Variants in LTBP2 observed in about 807,000 individuals in gnomAD.
LTBP2 encodes the protein latent-transforming growth factor beta-binding protein 2.
LTBP2 carries 103 observed loss-of-function variants against 210.6 expected under a neutral mutation model. The observed-to-expected ratio is 0.49, with a 90% CI of 0.42 to 0.58. The LOEUF (loss-of-function observed/expected upper bound fraction) is 0.58, where lower values mean the gene tolerates loss of function less well. Among genes scored for constraint, LTBP2 ranks in the 20% least tolerant of loss-of-function variants. The pLI, the probability that LTBP2 is intolerant of heterozygous loss-of-function variation, is 0.00. For missense variants in LTBP2, 2,313 were observed against 2,494.5 expected (o/e 0.93, Z 1.55); for synonymous variants, 1,007 against 1,015.0 (o/e 0.99, Z 0.15).
In LTBP2 at chr14:74,506,888, C is replaced by CGT; in HGVS notation, c.3908-67_3908-66dup. ...GTGTGTGTGTGTGTGTGCGCGCGCGCGTGTGTGCTCACTCTCTCACACGCA... is the reference window on the plus strand; with the variant it reads ...GTGTGTGTGTGTGTGTGCGCGCGCGCGTGTGTGTGCTCACTCTCTCACACGCA... On this transcript the variant is annotated intron_variant, in intron 26 of 35. Transcript: ENST00000261978. 56 of 1,404,508 alleles carry CGT rather than the reference C, an allele frequency of 4.0e-5. No homozygotes were observed. The South Asian group carries it at 6.6e-4, about 16-fold the overall frequency. 87.0% of individuals were successfully genotyped at this position (1,404,508 alleles called of 1,614,324 possible). A position where few individuals can be genotyped will look rare whatever the true frequency, so the allele number is the denominator to read the frequency against.
At chr14:74,553,939 T>TGC (rs1016425131) in intron 4 of LTBP2, among the ~76,000 whole-genome samples, 1 of 150,826 alleles carries the variant, frequency 6.6e-6, no homozygotes, top group African/African-American at 2.4e-5. Flanking sequence ...TGTGTGTGTG[T>TGC]GTGTGTGTGT....
At position 74,500,746 on chromosome 14, in the gene LTBP2, A is replaced by C; in HGVS notation, c.*138T>G. The C allele has an allele frequency of 8.6e-7, 1 of 1,161,922 alleles. No individual in the cohort carries two copies. The highest frequency in any genetic ancestry group is 1.3e-6 in the Non-Finnish European group (1 of 782,854). 72.0% of individuals were successfully genotyped at this position (1,161,922 alleles called of 1,614,324 possible). On this transcript the variant is annotated 3_prime_UTR_variant, in exon 36 of 36. Transcript: ENST00000261978. The stretch of plus-strand genomic sequence containing the variant: ...GCTTACAGCCAGAGGCTAAGCTGGG[A>C]GAGATGAAAGCAGGCAAGGCTGATT...
chr14:74,611,790 C>T lies in LTBP2; in HGVS notation c.155G>A (p.Arg52Gln), dbSNP rs779060400. ...RYEPAGGDAN[R>Q]LRRPGGSYPA... ...GTAGCTGCCCCCAGGGCGCCGCAGT[C>T]GATTCGCGTCTCCACCAGCCGGCTC... The change falls in exon 1 of 36, where the codon CGA (arginine) becomes CAA (glutamine). Residue 52 changes from arginine (R) to glutamine (Q), a missense_variant. Physicochemically the swap from Arg to Gln is conservative, Grantham distance 43. Around this residue, in one of 3 missense-constraint regions of LTBP2, gnomAD observed 1,867 missense variants for 1,976.9 expected, o/e 0.94. Transcript: ENST00000261978. The T allele has an allele frequency of 6.2e-7, 1 of 1,610,820 alleles. No individual in the cohort carries two copies. The highest frequency in any genetic ancestry group is 8.5e-7 in the Non-Finnish European group (1 of 1,179,580).
chr14:74,549,524 A>G (rs2087621170), intron 8 of LTBP2, among the ~76,000 whole-genome samples: 1 of 152,200 alleles, frequency 6.6e-6, no homozygotes, highest in Non-Finnish European at 1.5e-5. Flanking sequence ...AAAACACTGA[A>G]TCACTGAATC....
intron 2 of LTBP2, among the ~76,000 whole-genome samples, chr14:74,590,492 C>G (rs2088267140): frequency 1.3e-5 from 2 of 152,144 alleles, no homozygotes; most frequent in African/African-American, 4.8e-5. Context: ...GTAATCCCAG[C>G]TACTCGGGAG....
At chr14:74,550,750 G>T (rs1363773630) in intron 7 of LTBP2, among the ~76,000 whole-genome samples, 1 of 152,214 alleles carries the variant, frequency 6.6e-6, no homozygotes, top group Non-Finnish European at 1.5e-5. Flanking sequence ...CCATGTGCCA[G>T]GGGTCATAGG....
Position 74,509,501 on chromosome 14 carries a change from C to T in LTBP2, c.3278-138G>A, listed in dbSNP as rs1222491589. On this transcript the variant is annotated intron_variant, in intron 21 of 35. Transcript: ENST00000261978. ...CCTCCCTAGAACGCTCCCAGGACAG[C>T]CCTGCCCTCAGCTTCCCTCTTCTCT... is the stretch of plus-strand genomic sequence containing the variant. The T allele has an allele frequency of 4.2e-5, 55 of 1,320,718 alleles. No homozygotes were observed. The East Asian group carries it at 1.2e-3, about 29-fold the overall frequency. The allele number at this position is 1,320,718 out of a possible 1,614,324, so 81.8% of individuals were successfully genotyped here.
chr14:74,582,716 C>A (rs939733988), intron 3 of LTBP2, among the ~76,000 whole-genome samples: 5 of 152,152 alleles, frequency 3.3e-5, no homozygotes, highest in Non-Finnish European at 5.9e-5. Context: ...ACCCTCACTA[C>A]TCAAAATATG....
chr14:74,552,218 G>A lies in LTBP2; in HGVS notation c.1368C>T (p.Ser456=), dbSNP rs1387531542. The A allele has an allele frequency of 1.2e-6, 2 of 1,611,876 alleles. No individual in the cohort carries two copies. Among genetic ancestry groups the A allele is most frequent in the South Asian group, 1.1e-5 (1 of 90,998 alleles). Residue 456 remains serine (S), a synonymous_variant, in exon 6 of 36, where the codon TCC becomes TCT. Transcript: ENST00000261978. ...GGTTGGAGAGCGGCAGTGTGAAAGT[G>A]GACTGCTTCAGTGGGGCTTCCAGCA... is the stretch of plus-strand genomic sequence containing the variant. ...RALLEAPLKQ[S]TFTLPLSNQL... is the part of the protein sequence containing the mutation.
At chr14:74,587,792 A>AC (rs1461633430) in intron 2 of LTBP2, among the ~76,000 whole-genome samples, 1 of 152,132 alleles carries the variant, frequency 6.6e-6, no homozygotes, top group Non-Finnish European at 1.5e-5. Flanking sequence ...CAGAATCCAA[A>AC]CCAGGGGCTG....
At chr14:74,548,605 T>C (rs2087607907) in intron 8 of LTBP2, among the ~76,000 whole-genome samples, 1 of 152,188 alleles carries the variant, frequency 6.6e-6, no homozygotes, top group African/African-American at 2.4e-5. Context: ...AAAACATCTC[T>C]GGCCTACAGG....
Position 74,503,332 on chromosome 14 carries a change from T to C in LTBP2, c.4775A>G (p.Asn1592Ser). The change falls in exon 33 of 36, where the codon AAT (asparagine) becomes AGT (serine). Residue 1592 changes from asparagine (N) to serine (S), a missense_variant. Physicochemically the swap from Asn to Ser is conservative, Grantham distance 46. Around this residue, in one of 3 missense-constraint regions of LTBP2, gnomAD observed 443 missense variants for 501.4 expected, o/e 0.88. Coordinates refer to ENST00000261978, the MANE Select transcript of LTBP2 (RefSeq NM_000428.3). ...ACGCAGGGGTTCGCTGCACACATCA[T>C]TGGTGACTTTTTTCCAGCAGATGTC... ...HMDICWKKVT[N>S]DVCSEPLRGH... 1 of 1,613,856 alleles carries C rather than the reference T, an allele frequency of 6.2e-7. No individual in the cohort carries two copies. The highest frequency in any genetic ancestry group is 8.5e-7 in the Non-Finnish European group (1 of 1,179,996).
At chr14:74,515,421 T>C (rs1242130443) in intron 18 of LTBP2, among the ~76,000 whole-genome samples, 1 of 152,032 alleles carries the variant, frequency 6.6e-6, no homozygotes, top group African/African-American at 2.4e-5. Context: ...CACGCCCAGC[T>C]AATTTTTGTA....
intron 10 of LTBP2, among the ~76,000 whole-genome samples, chr14:74,529,780 C>G (rs2087326799): frequency 6.6e-6 from 1 of 152,164 alleles, no homozygotes; most frequent in South Asian, 2.1e-4. Context: ...CTTTCTTGTA[C>G]TTTGAAAATA....
intron 31 of LTBP2, 46 bp downstream of exon 31, chr14:74,503,880 T>C (rs759508243): frequency 1.2e-6 from 2 of 1,612,040 alleles, no homozygotes; most frequent in Non-Finnish European, 1.7e-6. Context: ...GGGCCATTAT[T>C]CAGCTGTGGG....
At position 74,586,881 on chromosome 14, in the gene LTBP2, C is replaced by T. The variant is rs565220333; in HGVS notation, c.566-763G>A. 7.9e-5 allele frequency among the ~76,000 whole-genome samples: 12 copies of T among 152,292 alleles called. No individual in the cohort carries two copies. In the South Asian group the frequency reaches 2.3e-3, roughly 29 times the overall value. On this transcript the variant is annotated intron_variant, in intron 2 of 35. Coordinates refer to ENST00000261978, the MANE Select transcript of LTBP2 (RefSeq NM_000428.3). This position sits in a 1 kb window ranked among gnomAD's most constrained non-coding sequence, Gnocchi z 4.6. ...GCCGCTGCCGGCCAGGTAAGTGCCCCGCTCTGTGGGGCCTCTGTTCAGGCT... is the reference window on the plus strand; with the variant it reads ...GCCGCTGCCGGCCAGGTAAGTGCCCTGCTCTGTGGGGCCTCTGTTCAGGCT...
chr14:74,506,769 T>A lies in LTBP2; in HGVS notation c.3962A>T (p.Asn1321Ile). The change falls in exon 27 of 36, where the codon AAC (asparagine) becomes ATC (isoleucine). Residue 1321 changes from asparagine to isoleucine, a missense_variant. Around this residue, in one of 3 missense-constraint regions of LTBP2, gnomAD observed 1,867 missense variants for 1,976.9 expected, o/e 0.94. Coordinates refer to ENST00000261978, the MANE Select transcript of LTBP2 (RefSeq NM_000428.3). ...GAGGCAGCGGAAGGAGCCATCAGTG[T>A]TGTCACAGAAGCCGTGGCTGCCACA... Reference protein sequence around the residue: ...TMCGSHGFCDNTDGSFRCLCD... With the variant: ...TMCGSHGFCDITDGSFRCLCD... 6.2e-7 allele frequency: 1 copy of A among 1,614,048 alleles called. No individual in the cohort carries two copies. Among genetic ancestry groups the A allele is most frequent in the Admixed American group, 1.7e-5 (1 of 60,032 alleles).
chr14:74,506,382 C>T (rs1481427453), intron 27 of LTBP2, among the ~76,000 whole-genome samples, 191 bp from the exon 28 acceptor site: 1 of 152,226 alleles, frequency 6.6e-6, no homozygotes, highest in Non-Finnish European at 1.5e-5. Flanking sequence ...AGAGGAGTGG[C>T]AGCAAACGGT....
chr14:74,611,816 G>A lies in LTBP2; in HGVS notation c.129C>T (p.Tyr43=), dbSNP rs1388677499. 9.9e-6 allele frequency: 16 copies of A among 1,611,512 alleles called. No individual in the cohort carries two copies. Among genetic ancestry groups the A allele is most frequent in the East Asian group, 2.2e-5 (1 of 44,864 alleles). ...GATTCGCGTCTCCACCAGCCGGCTC[G>A]TATCTCCCTACGGGGTCCCTTTGGG... The part of the protein sequence containing the change: ...GHAQRDPVGR[Y]EPAGGDANRL... Residue 43 remains tyrosine (Y), a synonymous_variant, in exon 1 of 36, where the codon TAC becomes TAT. Coordinates refer to ENST00000261978, the MANE Select transcript of LTBP2 (RefSeq NM_000428.3).
Sources: gnomAD v4.1 joint callset for allele counts (sites outside exome capture counted in the v4.1 genomes callset) on GRCh38, gnomAD v4.1.1 for gene constraint, gnomAD v4.1.1 regional missense constraint, Gnocchi (gnomAD v3.1) non-coding constraint, MANE v1.5 for transcripts, NCBI Gene and HGNC (gene_info 2026-07-23, HGNC 2026-07-21) for gene names.